PLA2G4A: variants seen among roughly 807,000 people sequenced by gnomAD.
The protein encoded by PLA2G4A is phospholipase A2 group IVA, also known as cytosolic phospholipase A2.
PLA2G4A carries 40 observed loss-of-function variants against 81.9 expected under a neutral mutation model. The ratio of observed to expected loss-of-function variants is 0.49; its 90% CI spans 0.38 to 0.64. The LOEUF (loss-of-function observed/expected upper bound fraction) is 0.64, where lower values mean the gene tolerates loss of function less well. PLA2G4A is among the 30% of genes least tolerant of loss of function. The pLI, the probability that PLA2G4A is intolerant of heterozygous loss-of-function variation, is 0.00. For missense variants in PLA2G4A, 715 were observed against 905.1 expected, an observed-to-expected ratio of 0.79 and a Z score of 2.69; for synonymous variants, 302 against 296.9, an observed-to-expected ratio of 1.02 and a Z score of -0.18.
chr1:186,885,692 G>T (rs1653911853), intron 3 of PLA2G4A, among the ~76,000 whole-genome samples: 3 of 152,054 alleles, frequency 2.0e-5, no homozygotes, highest in Admixed American at 2.0e-4. Flanking sequence ...TAAGATGGAG[G>T]ATTTTACCAG....
intron 5 of PLA2G4A, among the ~76,000 whole-genome samples, chr1:186,901,695 T>C (rs570520632): frequency 9.2e-5 from 14 of 152,168 alleles, no homozygotes; most frequent in Non-Finnish European, 1.6e-4. Flanking sequence ...CTGATGTCCA[T>C]GTAGGAAAAA....
chr1:186,946,074 C>T (rs1222917010), intron 10 of PLA2G4A, among the ~76,000 whole-genome samples: 1 of 152,120 alleles, frequency 6.6e-6, no homozygotes, highest in African/African-American at 2.4e-5. Context: ...AGCTCCAGAG[C>T]CCCCGCGCTT....
At chr1:186,882,455 G>A (rs1227463638) in intron 3 of PLA2G4A, among the ~76,000 whole-genome samples, 3 of 152,126 alleles carry the variant, frequency 2.0e-5, no homozygotes, top group African/African-American at 7.2e-5. Context: ...TAAAAGTACA[G>A]CAAAGATCTG....
intron 2 of PLA2G4A, among the ~76,000 whole-genome samples, chr1:186,863,780 G>T (rs1160022594): frequency 6.8e-6 from 1 of 146,994 alleles, no homozygotes; most frequent in Non-Finnish European, 1.5e-5. Flanking sequence ...TTTTTTTTGG[G>T]GACAGAGTCT....
chr1:186,958,238 G>A (rs1040329337), intron 14 of PLA2G4A, among the ~76,000 whole-genome samples: 3 of 152,034 alleles, frequency 2.0e-5, no homozygotes, highest in East Asian at 1.9e-4. Flanking sequence ...GATTCACTAT[G>A]TTATATAGCA....
chr1:186,966,922 C>T lies in PLA2G4A; in HGVS notation c.1764+1329C>T, dbSNP rs376928835. Among the ~76,000 whole-genome samples, 34 of 152,144 alleles carry T rather than the reference C, an allele frequency of 2.2e-4. No homozygotes were observed. In the East Asian group the frequency reaches 4.8e-3, roughly 22 times the overall value. ...TTTATTTTGTTTTAATCATTTGGTC[C>T]TAATTGTCATTTAGGTACTGGCCAA... is the stretch of plus-strand genomic sequence containing the variant. On this transcript the variant is annotated intron_variant, in intron 15 of 17. Transcript: ENST00000367466.
chr1:186,857,838 T>C (rs1318878731), intron 2 of PLA2G4A, among the ~76,000 whole-genome samples: 1 of 151,912 alleles, frequency 6.6e-6, no homozygotes, highest in African/African-American at 2.4e-5. Flanking sequence ...CACCTATGAG[T>C]GAGAACACTT....
chr1:186,909,405 A>G (rs1459659633), intron 6 of PLA2G4A, among the ~76,000 whole-genome samples: 1 of 150,992 alleles, frequency 6.6e-6, no homozygotes, highest in African/African-American at 2.4e-5. Flanking sequence ...TCATGCCTGT[A>G]ATCCCAGCAC....
At chr1:186,978,173 G>A (rs572674437) in intron 16 of PLA2G4A, among the ~76,000 whole-genome samples, 2 of 152,244 alleles carry the variant, frequency 1.3e-5, no homozygotes, top group East Asian at 1.9e-4. Context: ...CAAGATTAAC[G>A]TAATCTAGCA....
At chr1:186,902,534 C>T (rs954373423) in intron 5 of PLA2G4A, among the ~76,000 whole-genome samples, 1 of 152,116 alleles carries the variant, frequency 6.6e-6, no homozygotes, top group Non-Finnish European at 1.5e-5. Context: ...CAACACTTCA[C>T]CACTATTTTG....
chr1:186,911,779 G>C (rs1159078737), intron 7 of PLA2G4A, among the ~76,000 whole-genome samples: 1 of 152,090 alleles, frequency 6.6e-6, no homozygotes, highest in East Asian at 1.9e-4. Flanking sequence ...GATTTATTAT[G>C]AAGTTTGGCT....
chr1:186,906,886 A>G, intron 5 of PLA2G4A, 79 bp from the exon 6 acceptor site: 1 of 762,822 alleles, frequency 1.3e-6, no homozygotes. Flanking sequence ...TGGCACTCAA[A>G]ATTTATTTTG....
At chr1:186,918,409 G>T (rs1055738136) in intron 7 of PLA2G4A, among the ~76,000 whole-genome samples, 14 of 152,148 alleles carry the variant, frequency 9.2e-5, no homozygotes, top group Admixed American at 8.5e-4. Context: ...GGTTAGAGAG[G>T]CATATCCAGA....
chr1:186,913,081 C>A (rs1655020395), intron 7 of PLA2G4A, among the ~76,000 whole-genome samples: 1 of 97,618 alleles, frequency 1.0e-5, no homozygotes, highest in African/African-American at 5.9e-5. Context: ...AGAAAATATT[C>A]CAAATTCTTT....
intron 14 of PLA2G4A, among the ~76,000 whole-genome samples, chr1:186,957,872 A>G (rs940659884): frequency 6.6e-6 from 1 of 152,216 alleles, no homozygotes; most frequent in African/African-American, 2.4e-5. Flanking sequence ...CCACACCATC[A>G]TCTTTTCCTT....
intron 1 of PLA2G4A, among the ~76,000 whole-genome samples, chr1:186,850,638 A>AT (rs1182968660): frequency 6.6e-6 from 1 of 152,144 alleles, no homozygotes; most frequent in East Asian, 1.9e-4. Flanking sequence ...TTGAATGGCC[A>AT]TAAGTCCCAG....
intron 15 of PLA2G4A, among the ~76,000 whole-genome samples, chr1:186,971,304 A>G (rs1286318602): frequency 6.6e-5 from 10 of 152,050 alleles, no homozygotes; most frequent in African/African-American, 2.4e-4. Flanking sequence ...TAGCTTTATT[A>G]TGTGCCTACT....
chr1:186,868,933 T>G (rs1179821084), intron 2 of PLA2G4A, among the ~76,000 whole-genome samples: 1 of 151,946 alleles, frequency 6.6e-6, no homozygotes, highest in African/African-American at 2.4e-5. Flanking sequence ...TTTTTTTTTT[T>G]TTTCTTAGCA....
In PLA2G4A at chr1:186,977,774, A is replaced by T. The variant is rs559559061; in HGVS notation, c.1946A>T (p.Lys649Met). 1.2e-6 allele frequency: 2 copies of T among 1,610,688 alleles called. No homozygotes were observed. The highest frequency in any genetic ancestry group is 1.3e-5 in the African/African-American group (1 of 74,978). The change falls in exon 16 of 18, where the codon AAG (lysine) becomes ATG (methionine). Residue 649 changes from lysine (K) to methionine (M), a missense_variant. Lys to Met is a moderately conservative substitution (Grantham distance 95). Coordinates refer to ENST00000367466, the MANE Select transcript of PLA2G4A (RefSeq NM_024420.3). ...GTTCTGGCCAACATCAACTTCAGAA[A>T]GTACAGGGCTCCAGGTAAGTAGGGA... ...HFVLANINFR[K>M]YRAPGVPRET...
Sources: allele counts gnomAD v4.1 joint callset (sites outside exome capture counted in the v4.1 genomes callset), GRCh38; gene constraint gnomAD v4.1.1; transcripts MANE v1.5; gene names NCBI Gene and HGNC (gene_info 2026-07-23, HGNC 2026-07-21).